The following STAG3 variants were observed in gnomAD, a reference collection of about 807,000 sequenced individuals.
STAG3 encodes the protein cohesin subunit SA-3.
In STAG3, 101 loss-of-function variants were observed where a neutral mutation model predicts 160.7. The ratio of observed to expected loss-of-function variants is 0.63; its 90% CI spans 0.54 to 0.74. The LOEUF is 0.74. Ranked by LOEUF, STAG3 falls within the 30% of genes least tolerant of loss-of-function variation. The probability of loss-of-function intolerance (pLI) is 0.00; values close to 1 mark genes in which losing one functional copy is unlikely to be tolerated. For missense variants in STAG3, 1,188 were observed against 1,517.4 expected, an observed-to-expected ratio of 0.78 and a Z score of 3.61; for synonymous variants, 519 against 585.0, an observed-to-expected ratio of 0.89 and a Z score of 1.63.
chr7:100,185,367 T>C (rs576285621), intron 4 of STAG3, among the ~76,000 whole-genome samples: 1 of 152,078 alleles, frequency 6.6e-6, no homozygotes. Context: ...GAGGCTAAGG[T>C]GGATCTCACT....
At chr7:100,189,829 GTT>G (rs370596284) in intron 8 of STAG3, among the ~76,000 whole-genome samples, 1 of 144,996 alleles carries the variant, frequency 6.9e-6, no homozygotes, top group Non-Finnish European at 1.5e-5. Flanking sequence ...CTTTTGCTCA[GTT>G]TTTTTTTTTT....
chr7:100,218,180 T>G (rs1408172048), downstream of STAG3: 5 of 153,258 alleles, frequency 3.3e-5, no homozygotes, highest in African/African-American at 1.2e-4. Context: ...GACAGAGGGT[T>G]CACACTCCTG....
At position 100,202,458 on chromosome 7, in the gene STAG3, T is replaced by G; in HGVS notation, c.2568T>G (p.Asp856Glu). 6.2e-7 allele frequency: 1 copy of G among 1,613,506 alleles called. No individual in the cohort carries two copies. The highest frequency in any genetic ancestry group is 8.5e-7 in the Non-Finnish European group (1 of 1,179,556). The change falls in exon 25 of 34, where the codon GAT becomes GAG. Residue 856 changes from aspartate (D) to glutamate (E), a missense_variant. By Grantham distance (45) the Asp-to-Glu change is conservative (BLOSUM62 2). This residue lies in a region of STAG3 where 647 missense variants were observed against 717.2 expected (regional missense o/e 0.90). Coordinates refer to ENST00000615138, the MANE Select transcript of STAG3 (RefSeq NM_001282717.2). The part of the protein sequence containing the change: ...FIQPGDLGSG[D>E]SQEDHLQIER... ...TTTGCCTTCCATGTGAGCCAGGTGATTCCCAGGAGGATCATTTACAGATAG... is the reference window on the plus strand; with the variant it reads ...TTTGCCTTCCATGTGAGCCAGGTGAGTCCCAGGAGGATCATTTACAGATAG...
At chr7:100,191,362 T>C (rs371893954) in intron 8 of STAG3, among the ~76,000 whole-genome samples, 9 of 152,330 alleles carry the variant, frequency 5.9e-5, no homozygotes, top group African/African-American at 1.7e-4. Flanking sequence ...AAAATTTGTT[T>C]TCCAAATTGT....
intron 2 of STAG3, 35 bp downstream of exon 2, chr7:100,180,707 T>C (rs367955034): frequency 3.1e-6 from 4 of 1,303,926 alleles, no homozygotes; most frequent in Non-Finnish European, 4.5e-6. Flanking sequence ...CCACTTCCTG[T>C]GTCCCTGGCA....
At position 100,192,621 on chromosome 7, in the gene STAG3, C is replaced by T. The variant is rs368331905; in HGVS notation, c.868-2688C>T. On this transcript the variant is annotated intron_variant, in intron 8 of 33. Transcript: ENST00000615138. ...GTTTTTTGTTTTGAAGACAGGGTCTCGCTCTGTTGCCTAGACCGGAATGTA... is the reference window on the plus strand; with the variant it reads ...GTTTTTTGTTTTGAAGACAGGGTCTTGCTCTGTTGCCTAGACCGGAATGTA... Among the ~76,000 whole-genome samples the T allele has an allele frequency of 4.8e-3, 731 of 152,322 alleles. 2 individuals are homozygous for T. The highest frequency in any genetic ancestry group is 0.016 in the African/African-American group (677 of 41,564).
chr7:100,211,229 G>T, intron 30 of STAG3, 44 bp downstream of exon 30: 1 of 1,533,088 alleles, frequency 6.5e-7, no homozygotes, highest in Non-Finnish European at 8.8e-7. Context: ...TCCCAGTTTG[G>T]TGTCTGGCTG....
chr7:100,195,521 AC>A, intron 9 of STAG3, 139 bp downstream of exon 9: 1 of 718,560 alleles, frequency 1.4e-6, no homozygotes, highest in Non-Finnish European at 2.3e-6. Context: ...AAAATTCTTG[AC>A]AACAAATGTT....
chr7:100,210,928 A>T, intron 29 of STAG3, 83 bp from the exon 30 acceptor site: 1 of 1,434,668 alleles, frequency 7.0e-7, no homozygotes. Flanking sequence ...ACTTTCCCTT[A>T]CTAAATCCTG....
chr7:100,193,412 A>C (rs1800463555), intron 8 of STAG3, among the ~76,000 whole-genome samples: 1 of 152,216 alleles, frequency 6.6e-6, no homozygotes, highest in African/African-American at 2.4e-5. Context: ...TAGCTGCGAA[A>C]ATCCTAGATT....
intron 23 of STAG3, 54 bp from the exon 24 acceptor site, chr7:100,202,118 T>C: frequency 1.9e-6 from 3 of 1,609,928 alleles, no homozygotes; most frequent in Non-Finnish European, 2.5e-6. Flanking sequence ...CAGTGTCATT[T>C]CTACCTTGGG....
chr7:100,213,844 A>G, intron 33 of STAG3, 38 bp downstream of exon 33: 1 of 1,614,140 alleles, frequency 6.2e-7, no homozygotes, highest in Non-Finnish European at 8.5e-7. Context: ...TATCCTTCGG[A>G]AATGCTGGCA....
chr7:100,187,336 GT>G (rs1034550671), intron 5 of STAG3, among the ~76,000 whole-genome samples: 7 of 139,936 alleles, frequency 5.0e-5, no homozygotes, highest in East Asian at 2.1e-4. Flanking sequence ...TTTTTGGTTT[GT>G]TTTTTTTTTG....
At chr7:100,199,186 G>A (rs1030878453) in intron 14 of STAG3, 76 bp from the exon 15 acceptor site, 4 of 1,070,770 alleles carry the variant, frequency 3.7e-6, no homozygotes, top group African/African-American at 3.1e-5. Flanking sequence ...GAAGGAGAGC[G>A]ATATTTAATC....
intron 3 of STAG3, 62 bp downstream of exon 3, chr7:100,182,254 G>A: frequency 2.4e-6 from 3 of 1,271,172 alleles, no homozygotes; most frequent in Non-Finnish European, 3.3e-6. Flanking sequence ...AGCTACTTGG[G>A]AGGCTGAGGC....
intron 14 of STAG3, 147 bp from the exon 15 acceptor site, chr7:100,199,115 C>A: frequency 1.1e-6 from 1 of 876,644 alleles, no homozygotes; most frequent in Non-Finnish European, 1.9e-6. Flanking sequence ...CACAGTGAGA[C>A]CCTGTCTCTA....
chr7:100,200,610 C>CT (rs1801045022), intron 18 of STAG3, 68 bp downstream of exon 18: 8 of 1,567,328 alleles, frequency 5.1e-6, no homozygotes, highest in South Asian at 1.1e-5. Flanking sequence ...TTGCCAGTAT[C>CT]TTTTTTTCCT....
At chr7:100,180,714 G>A in intron 2 of STAG3, 42 bp downstream of exon 2, 1 of 1,239,722 alleles carries the variant, frequency 8.1e-7, no homozygotes. Context: ...CTGTGTCCCT[G>A]GCAGCCTTCC....
At position 100,205,236 on chromosome 7, in the gene STAG3, T is replaced by C. The variant is rs868535655; in HGVS notation, c.3090T>C (p.Tyr1030=). The C allele has an allele frequency of 1.9e-6, 3 of 1,613,940 alleles. No homozygotes were observed. Among genetic ancestry groups the C allele is most frequent in the Middle Eastern group, 1.7e-4 (1 of 6,060 alleles). Residue 1030 remains tyrosine (Y), a synonymous_variant, in exon 29 of 34, where the codon TAT becomes TAC. Transcript: ENST00000615138. ...TCTACCTCTTTCATAGACTGTCCTA[T>C]CTAGAAAAGTGCCTGCAGCATGTCT... ...FHQDKQLLLS[Y]LEKCLQHVSQ...
Sources: allele counts gnomAD v4.1 joint callset (sites outside exome capture counted in the v4.1 genomes callset), GRCh38; gene constraint gnomAD v4.1.1; regional missense constraint gnomAD v4.1.1; transcripts MANE v1.5; gene names NCBI Gene and HGNC (gene_info 2026-07-23, HGNC 2026-07-21).